The following HNRNPD variants were observed in gnomAD, a reference collection of about 807,000 sequenced individuals.
The protein encoded by HNRNPD is heterogeneous nuclear ribonucleoprotein D0.
In HNRNPD, 3 loss-of-function variants were observed where a neutral mutation model predicts 47.9. The ratio of observed to expected loss-of-function variants is 0.06; its 90% CI spans 0.03 to 0.16. HNRNPD has a LOEUF of 0.16. Ranked by LOEUF, HNRNPD falls within the 10% of genes least tolerant of loss-of-function variation. The pLI is 1.00. For missense variants in HNRNPD, 287 were observed against 454.2 expected (o/e 0.63, Z 3.35); for synonymous variants, 171 against 165.1 (o/e 1.04, Z -0.28).
At chr4:82,373,174 G>A (rs1304244354) in intron 1 of HNRNPD, 1 of 654,750 alleles carries the variant, frequency 1.5e-6, no homozygotes, top group East Asian at 3.1e-5. Flanking sequence ...GAGACCCATG[G>A]CGAGGGAGGA....
intron 7 of HNRNPD, chr4:82,355,992 C>T (rs1336739817): frequency 6.5e-6 from 1 of 153,256 alleles, no homozygotes; most frequent in Admixed American, 6.5e-5. Context: ...GAACCCTTTA[C>T]CTGACGACTC....
At position 82,373,944 on chromosome 4, in the gene HNRNPD, T is replaced by C; in HGVS notation, c.-266A>G. 7 of 759,862 alleles carry C rather than the reference T, an allele frequency of 9.2e-6. No individual in the cohort carries two copies. The highest frequency in any genetic ancestry group is 2.2e-5 in the South Asian group (1 of 45,762). 47.1% of individuals were successfully genotyped at this position (759,862 alleles called of 1,614,324 possible). Reference sequence around the variant, plus strand: ...AGCACCAGCGGCGGCCGCTCTCGCCTCCTCCTCGCTTTAATGGCGCCGCCG... The same window carrying C: ...AGCACCAGCGGCGGCCGCTCTCGCCCCCTCCTCGCTTTAATGGCGCCGCCG... On this transcript the variant is annotated 5_prime_UTR_variant, in exon 1 of 9. Transcript: ENST00000313899.
At position 82,373,817 on chromosome 4, in the gene HNRNPD, T is replaced by C. The variant is rs1720281293; in HGVS notation, c.-139A>G. On this transcript the variant is annotated 5_prime_UTR_variant, in exon 1 of 9. Coordinates refer to ENST00000313899, the MANE Select transcript of HNRNPD (RefSeq NM_031370.3). Reference sequence around the variant, plus strand: ...ACACAAGACAGGGAAGGCGCGCGCGTGGCTGCAAAGGCTCCTGCGCCTCTC... The same window carrying C: ...ACACAAGACAGGGAAGGCGCGCGCGCGGCTGCAAAGGCTCCTGCGCCTCTC... The C allele has an allele frequency of 2.0e-6, 3 of 1,491,926 alleles. No individual in the cohort carries two copies. The highest frequency in any genetic ancestry group is 2.9e-5 in the African/African-American group (2 of 69,722). The allele number at this position is 1,491,926 out of a possible 1,614,324, so 92.4% of individuals were successfully genotyped here. A position where few individuals can be genotyped will look rare whatever the true frequency, so the allele number is the denominator to read the frequency against.
At chr4:82,355,076 C>A in intron 8 of HNRNPD, 1 of 516,008 alleles carries the variant, frequency 1.9e-6, no homozygotes, top group South Asian at 2.5e-5. Flanking sequence ...TAATTTGTAC[C>A]CATTAGCAGT....
intron 4 of HNRNPD, chr4:82,358,102 A>C (rs1454481865): frequency 6.6e-6 from 1 of 152,352 alleles, no homozygotes; most frequent in East Asian, 1.9e-4. Context: ...CTATTTCACT[A>C]ATGAGTCTAA....
At position 82,373,400 on chromosome 4, in the gene HNRNPD, A is replaced by T. The variant is rs752504682; in HGVS notation, c.233+46T>A. On this transcript the variant is annotated intron_variant, in intron 1 of 8. Transcript: ENST00000313899. ...TAATGGCGGGGGAATAAAGAGGGGG[A>T]GGGGGACTAGTTGGGCCTGACTATC... The T allele has an allele frequency of 4.1e-6, 6 of 1,456,012 alleles. No individual in the cohort carries two copies. The South Asian group carries it at 6.9e-5, about 17-fold the overall frequency. The allele number at this position is 1,456,012 out of a possible 1,614,324, so 90.2% of individuals were successfully genotyped here.
chr4:82,365,712 T>C (rs530801959), intron 2 of HNRNPD, among the ~76,000 whole-genome samples: 26 of 151,840 alleles, frequency 1.7e-4, no homozygotes, highest in Non-Finnish European at 1.9e-4. Context: ...TCAAGCAATC[T>C]TCCCATCTCA....
Position 82,353,088 on chromosome 4 carries a change from C to G in HNRNPD, c.*1097G>C, listed in dbSNP as rs1485228481. On this transcript the variant is annotated 3_prime_UTR_variant, in exon 9 of 9. Coordinates refer to ENST00000313899, the MANE Select transcript of HNRNPD (RefSeq NM_031370.3). ...CATTCAAGTTGATGGGTATCAATTC[C>G]CTGAATGCTAATAACAGAACTCAAG... is the stretch of plus-strand genomic sequence containing the variant. The G allele has an allele frequency of 6.6e-6, 1 of 152,064 alleles. No individual in the cohort carries two copies. Among genetic ancestry groups the G allele is most frequent in the Non-Finnish European group, 1.5e-5 (1 of 68,006 alleles). 9.4% of individuals were successfully genotyped at this position (152,064 alleles called of 1,614,324 possible).
chr4:82,367,509 T>C (rs758961492), intron 2 of HNRNPD, among the ~76,000 whole-genome samples: 5 of 152,238 alleles, frequency 3.3e-5, no homozygotes, highest in Non-Finnish European at 7.3e-5. Context: ...ATTCATTCCA[T>C]GACATTGTCT....
At chr4:82,362,641 C>T (rs904676201) in intron 2 of HNRNPD, among the ~76,000 whole-genome samples, 1 of 152,154 alleles carries the variant, frequency 6.6e-6, no homozygotes, top group African/African-American at 2.4e-5. Context: ...CTCACTCTGT[C>T]GCCCAAGCTG....
chr4:82,366,122 G>C (rs916548192), intron 2 of HNRNPD, among the ~76,000 whole-genome samples: 1 of 152,042 alleles, frequency 6.6e-6, no homozygotes, highest in African/African-American at 2.4e-5. Flanking sequence ...ATATACAATG[G>C]ACCAAACATT....
Position 82,373,846 on chromosome 4 carries a change from G to C in HNRNPD, c.-168C>G. ...TGCAAAGGCTCCTGCGCCTCTCCCTGGCCTGCCCCCTTCGCCTCCCACTCT... is the reference window on the plus strand; with the variant it reads ...TGCAAAGGCTCCTGCGCCTCTCCCTCGCCTGCCCCCTTCGCCTCCCACTCT... On this transcript the variant is annotated 5_prime_UTR_variant, in exon 1 of 9. Transcript: ENST00000313899. 2 of 1,411,132 alleles carry C rather than the reference G, an allele frequency of 1.4e-6. No individual in the cohort carries two copies. Among genetic ancestry groups the C allele is most frequent in the Non-Finnish European group, 1.9e-6 (2 of 1,074,936 alleles). The allele number at this position is 1,411,132 out of a possible 1,614,324, so 87.4% of individuals were successfully genotyped here.
intron 2 of HNRNPD, among the ~76,000 whole-genome samples, chr4:82,366,285 C>T (rs1719751767): frequency 6.6e-6 from 1 of 152,134 alleles, no homozygotes; most frequent in African/African-American, 2.4e-5. Context: ...GCTTTGTCGC[C>T]CAGGCTGGAG....
At position 82,373,694 on chromosome 4, in the gene HNRNPD, G is replaced by T; in HGVS notation, c.-16C>A. ...CCTCCGACATAGTGCTAGTGTCTCCGCCGCTGCCGCCGAGACTACACCCGC... is the reference window on the plus strand; with the variant it reads ...CCTCCGACATAGTGCTAGTGTCTCCTCCGCTGCCGCCGAGACTACACCCGC... On this transcript the variant is annotated 5_prime_UTR_variant, in exon 1 of 9. Transcript: ENST00000313899. The T allele has an allele frequency of 6.6e-7, 1 of 1,509,132 alleles. No individual in the cohort carries two copies. The highest frequency in any genetic ancestry group is 8.8e-7 in the Non-Finnish European group (1 of 1,135,176). The allele number at this position is 1,509,132 out of a possible 1,614,324, so 93.5% of individuals were successfully genotyped here.
intron 2 of HNRNPD, among the ~76,000 whole-genome samples, chr4:82,361,425 G>A (rs1223946763): frequency 6.6e-6 from 1 of 152,176 alleles, no homozygotes; most frequent in Non-Finnish European, 1.5e-5. Context: ...CTTCAATTAA[G>A]TTGAGATTTA....
intron 8 of HNRNPD, 46 bp downstream of exon 8, chr4:82,355,258 A>G (rs566087596): frequency 1.9e-6 from 2 of 1,028,006 alleles, no homozygotes; most frequent in African/African-American, 1.7e-5. Flanking sequence ...TAGATTATAA[A>G]AACTACTATT....
chr4:82,365,942 A>G (rs1465768835), intron 2 of HNRNPD, among the ~76,000 whole-genome samples: 4 of 151,904 alleles, frequency 2.6e-5, no homozygotes, highest in African/African-American at 7.3e-5. Context: ...CTAATGAGAC[A>G]TTAAGGTTAG....
intron 3 of HNRNPD, 50 bp downstream of exon 3, chr4:82,359,421 A>C: frequency 7.8e-7 from 1 of 1,288,870 alleles, no homozygotes; most frequent in Non-Finnish European, 1.0e-6. Context: ...CAAACTATCC[A>C]TATGTTAATA....
In HNRNPD at chr4:82,373,851, GC is replaced by G. The variant is rs1266135598; in HGVS notation, c.-174del. 1 of 1,374,828 alleles carries G rather than the reference GC, an allele frequency of 7.3e-7. No homozygotes were observed. The allele number at this position is 1,374,828 out of a possible 1,614,324, so 85.2% of individuals were successfully genotyped here. ...AGGCTCCTGCGCCTCTCCCTGGCCT[GC>G]CCCCTTCGCCTCCCACTCTCGCGCG... On this transcript the variant is annotated 5_prime_UTR_variant, in exon 1 of 9. Transcript: ENST00000313899.
Sources: gnomAD v4.1 joint callset for allele counts (sites outside exome capture counted in the v4.1 genomes callset) on GRCh38, gnomAD v4.1.1 for gene constraint, MANE v1.5 for transcripts, NCBI Gene and HGNC (gene_info 2026-07-23, HGNC 2026-07-21) for gene names.